PIWIL2: variants seen among roughly 807,000 people sequenced by gnomAD.
PIWIL2 encodes the protein piwi like RNA-mediated gene silencing 2.
PIWIL2 carries 81 observed loss-of-function variants against 116.5 expected under a neutral mutation model. That is an observed-to-expected ratio of 0.70 (90% CI 0.58 to 0.84). PIWIL2 has a LOEUF of 0.84. PIWIL2 is among the 40% of genes least tolerant of loss of function. PIWIL2 has a pLI of 0.00. For missense variants in PIWIL2, 1,272 were observed against 1,212.3 expected, an observed-to-expected ratio of 1.05 and a Z score of -0.73; for synonymous variants, 489 against 429.5, an observed-to-expected ratio of 1.14 and a Z score of -1.71.
rs759986497 is a variant in PIWIL2, at chr8:22,288,573, A to T, written c.893A>T (p.Asp298Val). The T allele has an allele frequency of 6.2e-7, 1 of 1,611,458 alleles. No homozygotes were observed. Among genetic ancestry groups the T allele is most frequent in the South Asian group, 1.1e-5 (1 of 91,014 alleles). ...GAGTTAAAAAGTCAAAGGAAAACAG[A>T]CAGTGCTGAAATCAGCATTAAGATT... ...VLELKSQRKTDSAEISIKIQM... is the reference protein window; with the variant it reads ...VLELKSQRKTVSAEISIKIQM... Residue 298 changes from aspartate to valine, a missense_variant, in exon 8 of 23, where the codon GAC becomes GTC. Asp to Val is a radical substitution (Grantham distance 152). Transcript: ENST00000356766.
chr8:22,344,473 GT>G (rs1161200287), intron 20 of PIWIL2, among the ~76,000 whole-genome samples: 1 of 152,140 alleles, frequency 6.6e-6, no homozygotes, highest in Non-Finnish European at 1.5e-5. Flanking sequence ...ATTGCCTCAG[GT>G]TTTTTTGTAA....
chr8:22,355,671 C>A lies in PIWIL2; in HGVS notation c.*166C>A. 1 of 655,304 alleles carries A rather than the reference C, an allele frequency of 1.5e-6. No homozygotes were observed. The allele number at this position is 655,304 out of a possible 1,614,324, so 40.6% of individuals were successfully genotyped here. On this transcript the variant is annotated 3_prime_UTR_variant, in exon 23 of 23. Coordinates refer to ENST00000356766, the MANE Select transcript of PIWIL2 (RefSeq NM_018068.5). ...TCTTGTCTTTTAAACCTAATATCAC[C>A]AAGAAGCAAGTTTCTGAGTAACAGC...
In PIWIL2 at chr8:22,287,603, G is replaced by C; in HGVS notation, c.819G>C (p.Ala273=). Residue 273 remains alanine, a synonymous_variant, in exon 7 of 23, where the codon GCG becomes GCC. Coordinates refer to ENST00000356766, the MANE Select transcript of PIWIL2 (RefSeq NM_018068.5). The part of the protein sequence containing the change: ...DHQAVTGNVT[A]FDGSILYLPV... ...AAGCTGTCACCGGCAACGTCACTGC[G>C]TTTGATGGATCTATTCTCTATCTGC... 2 of 1,613,290 alleles carry C rather than the reference G, an allele frequency of 1.2e-6. No homozygotes were observed. Among genetic ancestry groups the C allele is most frequent in the South Asian group, 2.2e-5 (2 of 91,072 alleles).
chr8:22,319,489 T>C (rs537499377), intron 20 of PIWIL2, among the ~76,000 whole-genome samples: 1 of 152,224 alleles, frequency 6.6e-6, no homozygotes, highest in East Asian at 1.9e-4. Context: ...CTGCCTTATA[T>C]TTGTTATTTA....
chr8:22,279,607 A>T (rs1039416989), intron 2 of PIWIL2, 23 bp downstream of exon 2: 1 of 1,600,570 alleles, frequency 6.2e-7, no homozygotes, highest in Non-Finnish European at 8.6e-7. Flanking sequence ...CCGGATGCAT[A>T]GGAGTGGCAT....
chr8:22,298,463 A>G (rs1406467365), intron 10 of PIWIL2, among the ~76,000 whole-genome samples: 2 of 152,202 alleles, frequency 1.3e-5, no homozygotes, highest in Non-Finnish European at 2.9e-5. Context: ...CTGTTTGATT[A>G]TAAATATTGG....
chr8:22,311,207 T>G lies in PIWIL2; in HGVS notation c.1896T>G (p.Ile632Met), dbSNP rs1328244424. 1 of 1,614,048 alleles carries G rather than the reference T, an allele frequency of 6.2e-7. No individual in the cohort carries two copies. The highest frequency in any genetic ancestry group is 8.5e-7 in the Non-Finnish European group (1 of 1,180,014). ...TGTTGGAGAAGATAGCCGGCCCCAT[T>G]GGCATGCGTATGAGCCCACCGGCCT... ...VNMLEKIAGP[I>M]GMRMSPPAWV... The change falls in exon 16 of 23, where the codon ATT becomes ATG. Residue 632 changes from isoleucine (I) to methionine (M), a missense_variant. Physicochemically the swap from Ile to Met is conservative, Grantham distance 10 (BLOSUM62 1). Coordinates refer to ENST00000356766, the MANE Select transcript of PIWIL2 (RefSeq NM_018068.5).
At chr8:22,334,188 T>C (rs1831926569) in intron 20 of PIWIL2, among the ~76,000 whole-genome samples, 1 of 151,892 alleles carries the variant, frequency 6.6e-6, no homozygotes, top group Admixed American at 6.6e-5. Context: ...TTGGCCAGGC[T>C]AGTCTCGAAC....
intron 10 of PIWIL2, among the ~76,000 whole-genome samples, chr8:22,298,826 A>G (rs970487638): frequency 2.0e-5 from 3 of 152,220 alleles, no homozygotes; most frequent in Admixed American, 2.0e-4. Flanking sequence ...CTTCTGAGGA[A>G]GGGTGGTTAC....
intron 8 of PIWIL2, 108 bp from the exon 9 acceptor site, chr8:22,289,739 C>A: frequency 2.9e-6 from 2 of 696,420 alleles, no homozygotes; most frequent in Non-Finnish European, 2.5e-6. Context: ...GCAAAGAGCA[C>A]AAACATTTCT....
At chr8:22,350,866 C>T (rs953477625) in intron 20 of PIWIL2, among the ~76,000 whole-genome samples, 2 of 151,888 alleles carry the variant, frequency 1.3e-5, no homozygotes, top group East Asian at 2.0e-4. Flanking sequence ...TTAGGCTGGG[C>T]GCAGTGGCTA....
chr8:22,300,944 A>G (rs928770612), intron 10 of PIWIL2, among the ~76,000 whole-genome samples: 1 of 151,378 alleles, frequency 6.6e-6, no homozygotes, highest in Non-Finnish European at 1.5e-5. Flanking sequence ...ATATATGCAT[A>G]TTTTCTTCCA....
At chr8:22,293,017 C>T (rs28497956) in intron 10 of PIWIL2, among the ~76,000 whole-genome samples, 18 of 152,184 alleles carry the variant, frequency 1.2e-4, no homozygotes, top group Non-Finnish European at 7.3e-5. Context: ...AGTAAATGTT[C>T]AAGAATATTT....
chr8:22,284,130 A>G lies in PIWIL2; in HGVS notation c.633-32A>G, dbSNP rs183076059. The G allele has an allele frequency of 1.6e-3, 1,922 of 1,177,402 alleles. 4 individuals carry two copies. The highest frequency in any genetic ancestry group is 1.9e-3 in the Non-Finnish European group (1,595 of 819,214). 72.9% of individuals were successfully genotyped at this position (1,177,402 alleles called of 1,614,324 possible). On this transcript the variant is annotated intron_variant, in intron 5 of 22. Coordinates refer to ENST00000356766, the MANE Select transcript of PIWIL2 (RefSeq NM_018068.5). ...GTTATTTTGTTTTTTTGTTTTTGAT[A>G]TATGCAGTTGCTTTTTGTTTTTATT...
In PIWIL2 at chr8:22,281,197, G is replaced by A. The variant is rs762285349; in HGVS notation, c.276G>A (p.Met92Ile). 6.2e-7 allele frequency: 1 copy of A among 1,609,912 alleles called. No individual in the cohort carries two copies. The highest frequency in any genetic ancestry group is 1.3e-5 in the African/African-American group (1 of 74,848). ...CTAAGACCCCTCTGAAACGGGAAAT[G>A]CTTCCATCAGGTATGTGGAAAACTA... ...TVSKTPLKRE[M>I]LPSGRGILGR... The change falls in exon 3 of 23, where the codon ATG becomes ATA. Residue 92 changes from methionine (M) to isoleucine (I), a missense_variant. Transcript: ENST00000356766.
intron 16 of PIWIL2, among the ~76,000 whole-genome samples, chr8:22,313,260 A>G (rs1283193702): frequency 2.0e-5 from 3 of 152,180 alleles, no homozygotes; most frequent in African/African-American, 4.8e-5. Context: ...CAGGAGCCTG[A>G]TAAGGAGTAT....
At chr8:22,353,792 T>TTTTTTTG (rs1832428412) in intron 21 of PIWIL2, among the ~76,000 whole-genome samples, 6 of 135,740 alleles carry the variant, frequency 4.4e-5, no homozygotes, top group Admixed American at 7.7e-5. Context: ...TTTTTTTTTT[T>TTTTTTTG]GAGGCAGGGT....
intron 20 of PIWIL2, among the ~76,000 whole-genome samples, chr8:22,328,817 C>CTTTTTTT (rs1563408402): frequency 2.1e-5 from 1 of 46,564 alleles, no homozygotes; most frequent in African/African-American, 4.7e-5. Flanking sequence ...GAGCTCTAGT[C>CTTTTTTT]GTTTTTTTTT....
Position 22,356,123 on chromosome 8 carries a change from C to T in PIWIL2, c.*618C>T, listed in dbSNP as rs1832486313. ...AGCTGCAGAAACCAGCAGAAGCAGC[C>T]ATTATACTTCTAAGCTGTGCCAACT... On this transcript the variant is annotated 3_prime_UTR_variant, in exon 23 of 23. Coordinates refer to ENST00000356766, the MANE Select transcript of PIWIL2 (RefSeq NM_018068.5). The T allele has an allele frequency of 6.6e-6, 1 of 151,564 alleles. No individual in the cohort carries two copies. The highest frequency in any genetic ancestry group is 2.4e-5 in the African/African-American group (1 of 41,146). The allele number at this position is 151,564 out of a possible 1,614,324, so 9.4% of individuals were successfully genotyped here.
Sources: gnomAD v4.1 joint callset for allele counts (sites outside exome capture counted in the v4.1 genomes callset) on GRCh38, gnomAD v4.1.1 for gene constraint, MANE v1.5 for transcripts, NCBI Gene and HGNC (gene_info 2026-07-23, HGNC 2026-07-21) for gene names.